RSRC1: variants seen among roughly 807,000 people sequenced by gnomAD.
RSRC1 encodes the protein serine/Arginine-related protein 53.
RSRC1 carries 39 observed loss-of-function variants against 49.1 expected under a neutral mutation model. The ratio of observed to expected loss-of-function variants is 0.79; its 90% CI spans 0.61 to 1.04. The LOEUF (loss-of-function observed/expected upper bound fraction) is 1.04, where lower values mean the gene tolerates loss of function less well. Among genes scored for constraint, RSRC1 ranks in the 50% least tolerant of loss-of-function variants. RSRC1 has a pLI of 0.00. For missense variants in RSRC1, 388 were observed against 402.4 expected (o/e 0.96, Z 0.31); for synonymous variants, 143 against 130.8 (o/e 1.09, Z -0.63).
At chr3:158,517,534 A>G (rs555594734) in intron 7 of RSRC1, among the ~76,000 whole-genome samples, 1 of 151,400 alleles carries the variant, frequency 6.6e-6, no homozygotes, top group Non-Finnish European at 1.5e-5. Flanking sequence ...GCTTCAGATC[A>G]GAGATGTTTC....
At chr3:158,157,966 T>G (rs1717983136) in intron 3 of RSRC1, among the ~76,000 whole-genome samples, 1 of 152,040 alleles carries the variant, frequency 6.6e-6, no homozygotes, top group African/African-American at 2.4e-5. Context: ...CGCTTTGGTT[T>G]TACTGATTTT....
In RSRC1 at chr3:158,202,773, T is replaced by A. The variant is rs145792647; in HGVS notation, c.321-299T>A. On this transcript the variant is annotated intron_variant, in intron 3 of 9. Coordinates refer to ENST00000611884, the MANE Select transcript of RSRC1 (RefSeq NM_001271838.2). ...AAAAGGAAAGCCTTATTCTTGTAGATTAAATTAGATACATTATTTGAGGAG... is the reference window on the plus strand; with the variant it reads ...AAAAGGAAAGCCTTATTCTTGTAGAATAAATTAGATACATTATTTGAGGAG... Among the ~76,000 whole-genome samples the A allele has an allele frequency of 1.3e-3, 193 of 151,906 alleles. 1 individual carries two copies. The highest frequency in any genetic ancestry group is 4.5e-3 in the African/African-American group (185 of 41,422).
rs535225836 is a variant in RSRC1, at chr3:158,132,058, A to T, written c.320+8067A>T. On this transcript the variant is annotated intron_variant, in intron 3 of 9. Coordinates refer to ENST00000611884, the MANE Select transcript of RSRC1 (RefSeq NM_001271838.2). ...GAGTGCAGTGGTGCAATCTTGGCTC[A>T]CTGTAGCCTTTACCTCCTTCACTCA... 7 of 424,088 alleles carry T rather than the reference A, an allele frequency of 1.7e-5. No homozygotes were observed. The Admixed American group carries it at 1.7e-4, about 10-fold the overall frequency. 26.3% of individuals were successfully genotyped at this position (424,088 alleles called of 1,614,324 possible).
intron 3 of RSRC1, among the ~76,000 whole-genome samples, chr3:158,173,116 CAA>C (rs1212935613): frequency 6.6e-6 from 1 of 151,844 alleles, no homozygotes; most frequent in African/African-American, 2.4e-5. Flanking sequence ...ATACACATAT[CAA>C]ATATAAATCA....
At chr3:158,216,180 C>T (rs1183388329) in intron 4 of RSRC1, among the ~76,000 whole-genome samples, 1 of 151,376 alleles carries the variant, frequency 6.6e-6, no homozygotes. Context: ...AATATAAAGG[C>T]ATAATTTTAT....
intron 6 of RSRC1, among the ~76,000 whole-genome samples, chr3:158,421,965 C>G (rs1472582435): frequency 2.0e-5 from 3 of 151,752 alleles, no homozygotes. Flanking sequence ...CATTCCTACC[C>G]TCATAATAGA....
At chr3:158,513,388 C>T (rs1240708066) in intron 7 of RSRC1, among the ~76,000 whole-genome samples, 1 of 152,050 alleles carries the variant, frequency 6.6e-6, no homozygotes, top group Non-Finnish European at 1.5e-5. Context: ...TGGTTTTTGC[C>T]TTTGGTTCTG....
At position 158,198,130 on chromosome 3, in the gene RSRC1, C is replaced by T. The variant is rs187707506; in HGVS notation, c.321-4942C>T. Among the ~76,000 whole-genome samples, 535 of 152,090 alleles carry T rather than the reference C, an allele frequency of 3.5e-3. 2 individuals are homozygous for T. The highest frequency in any genetic ancestry group is 0.012 in the African/African-American group (498 of 41,476). ...ATTATTAATGTGTGGGAGTCTAAGTCTCTTTGTAAGTCTCTGAGGACTTGC... is the reference window on the plus strand; with the variant it reads ...ATTATTAATGTGTGGGAGTCTAAGTTTCTTTGTAAGTCTCTGAGGACTTGC... On this transcript the variant is annotated intron_variant, in intron 3 of 9. Transcript: ENST00000611884.
At chr3:158,183,407 C>T (rs1719741721) in intron 3 of RSRC1, among the ~76,000 whole-genome samples, 1 of 151,442 alleles carries the variant, frequency 6.6e-6, no homozygotes, top group Admixed American at 6.6e-5. Context: ...AAAAGAAATG[C>T]CTTTGTATTG....
At chr3:158,306,987 AT>A (rs11296189) in intron 5 of RSRC1, among the ~76,000 whole-genome samples, 142,460 of 150,690 alleles carry the variant, frequency 0.95, 67,428 homozygotes, top group East Asian at 1. Flanking sequence ...TATCAAAGTT[AT>A]TTTTTTTTTA....
intron 3 of RSRC1, among the ~76,000 whole-genome samples, chr3:158,150,376 A>G (rs1717445873): frequency 6.6e-6 from 1 of 152,216 alleles, no homozygotes; most frequent in Non-Finnish European, 1.5e-5. Flanking sequence ...ATTTGGGGGA[A>G]ATCACAAAGC....
At chr3:158,127,072 T>G (rs1016251111) in intron 3 of RSRC1, among the ~76,000 whole-genome samples, 1 of 152,122 alleles carries the variant, frequency 6.6e-6, no homozygotes, top group Non-Finnish European at 1.5e-5. Context: ...CCTTTAACTT[T>G]TGTTAATTAG....
chr3:158,373,221 CA>C (rs1337111801), intron 6 of RSRC1, among the ~76,000 whole-genome samples: 2 of 151,854 alleles, frequency 1.3e-5, no homozygotes, highest in African/African-American at 2.4e-5. Flanking sequence ...GGATACCTTT[CA>C]TTTCTTATTT....
At chr3:158,311,986 A>G (rs994440118) in intron 5 of RSRC1, among the ~76,000 whole-genome samples, 2 of 152,136 alleles carry the variant, frequency 1.3e-5, no homozygotes, top group Non-Finnish European at 2.9e-5. Flanking sequence ...GTATTAATCC[A>G]TAAGAGTAAA....
At chr3:158,195,565 T>C (rs1263273801) in intron 3 of RSRC1, among the ~76,000 whole-genome samples, 4 of 152,214 alleles carry the variant, frequency 2.6e-5, no homozygotes, top group Non-Finnish European at 5.9e-5. Context: ...AGACATGAAG[T>C]CCTTGCCCAT....
intron 5 of RSRC1, among the ~76,000 whole-genome samples, chr3:158,314,082 ATTGTTGTTG>A (rs543945598): frequency 2.6e-5 from 4 of 151,802 alleles, no homozygotes; most frequent in African/African-American, 7.3e-5. Context: ...ATTATTGAAA[ATTGTTGTTG>A]TTGTTGTTGT....
At chr3:158,344,646 C>T (rs897107404) in intron 5 of RSRC1, among the ~76,000 whole-genome samples, 1 of 152,066 alleles carries the variant, frequency 6.6e-6, no homozygotes, top group African/African-American at 2.4e-5. Context: ...GAAAATGACA[C>T]CAGATGAAAA....
intron 1 of RSRC1, among the ~76,000 whole-genome samples, chr3:158,111,404 G>A (rs1249228003): frequency 6.6e-6 from 1 of 152,202 alleles, no homozygotes; most frequent in African/African-American, 2.4e-5. Context: ...CACAAAGAGG[G>A]GTGTTATGAA....
chr3:158,225,288 T>C (rs747737803), intron 4 of RSRC1, among the ~76,000 whole-genome samples: 9 of 151,906 alleles, frequency 5.9e-5, no homozygotes, highest in Non-Finnish European at 1.0e-4. Flanking sequence ...GTAACTCTTA[T>C]CTTATTGAAG....
Sources: allele counts gnomAD v4.1 joint callset (sites outside exome capture counted in the v4.1 genomes callset), GRCh38; gene constraint gnomAD v4.1.1; transcripts MANE v1.5; gene names NCBI Gene and HGNC (gene_info 2026-07-23, HGNC 2026-07-21).